The following HMCN2 variants were observed in gnomAD, a reference collection of about 807,000 sequenced individuals.
The protein encoded by HMCN2 is hemicentin 2, also known as hemicentin-2.
HMCN2 carries 325 observed loss-of-function variants against 377.5 expected under a neutral mutation model. The ratio of observed to expected loss-of-function variants is 0.86; its 90% CI spans 0.79 to 0.94. The LOEUF is 0.94. HMCN2 is among the 40% of genes least tolerant of loss of function. The pLI, the probability that HMCN2 is intolerant of heterozygous loss-of-function variation, is 0.00. For synonymous variants in HMCN2, 2,007 were observed against 2,046.8 expected (o/e 0.98, Z 0.53); for missense variants, 4,543 against 4,725.3 (o/e 0.96, Z 1.13).
chr9:130,433,477 G>C lies in HMCN2; in HGVS notation c.15024G>C (p.Glu5008Asp). 1 of 1,499,636 alleles carries C rather than the reference G, an allele frequency of 6.7e-7. No individual in the cohort carries two copies. 92.9% of individuals were successfully genotyped at this position (1,499,636 alleles called of 1,614,324 possible). The change falls in exon 98 of 98, where the codon GAG (glutamate) becomes GAC (aspartate). Residue 5008 changes from glutamate to aspartate, a missense_variant. Around this residue, in one of 5 missense-constraint regions of HMCN2, gnomAD observed 1,155 missense variants for 1,157.7 expected, o/e 1.00. Coordinates refer to ENST00000683500, the MANE Select transcript of HMCN2 (RefSeq NM_001291815.2). ...HDVARLTAFS[E>D]VGVPANRTEL... is the part of the protein sequence containing the mutation. Reference sequence around the variant, plus strand: ...TGGCCCGCCTCACCGCCTTCTCCGAGGTCGGCGTCCCCGCCAACCGCACCG... The same window carrying C: ...TGGCCCGCCTCACCGCCTTCTCCGACGTCGGCGTCCCCGCCAACCGCACCG...
intron 25 of HMCN2, among the ~76,000 whole-genome samples, chr9:130,344,541 T>C (rs964616395): frequency 4.0e-5 from 6 of 149,734 alleles, no homozygotes; most frequent in Non-Finnish European, 7.4e-5. Context: ...GTGGTGTGTA[T>C]GTGGTATGTG....
chr9:130,269,706 G>C (rs1427516131), intron 1 of HMCN2, among the ~76,000 whole-genome samples: 1 of 148,100 alleles, frequency 6.8e-6, no homozygotes, highest in Non-Finnish European at 1.5e-5. Context: ...TTTGTAAACT[G>C]TCAGTTTCTT....
chr9:130,385,530 G>A lies in HMCN2; in HGVS notation c.9107-30G>A, dbSNP rs762940904. The A allele has an allele frequency of 3.9e-6, 5 of 1,287,278 alleles. No individual in the cohort carries two copies. The South Asian group carries it at 5.0e-5, about 13-fold the overall frequency. 79.7% of individuals were successfully genotyped at this position (1,287,278 alleles called of 1,614,324 possible). Reference sequence around the variant, plus strand: ...TGGGGAGGGCGCAGGGACAGCTGCAGCACCTCACTCTGCTATCTCCTGCCC... The same window carrying A: ...TGGGGAGGGCGCAGGGACAGCTGCAACACCTCACTCTGCTATCTCCTGCCC... On this transcript the variant is annotated intron_variant, in intron 59 of 97. Coordinates refer to ENST00000683500, the MANE Select transcript of HMCN2 (RefSeq NM_001291815.2).
At chr9:130,268,605 G>A (rs557393310) in intron 1 of HMCN2, among the ~76,000 whole-genome samples, 49 of 149,632 alleles carry the variant, frequency 3.3e-4, no homozygotes, top group African/African-American at 1.0e-3. Context: ...TGAGGAAGCA[G>A]CCTGTGAGTA....
chr9:130,369,114 T>C lies in HMCN2; in HGVS notation c.6788-456T>C, dbSNP rs1214260576. Among the ~76,000 whole-genome samples the C allele has an allele frequency of 6.6e-6, 1 of 152,128 alleles. No homozygotes were observed. Among genetic ancestry groups the C allele is most frequent in the Non-Finnish European group, 1.5e-5 (1 of 68,036 alleles). On this transcript the variant is annotated intron_variant, in intron 44 of 97. Coordinates refer to ENST00000683500, the MANE Select transcript of HMCN2 (RefSeq NM_001291815.2). The surrounding 1 kb of genome is among the most constrained non-coding windows in gnomAD (Gnocchi z 4.5). ...GCATGAGTATTATGTGAAGCTCCTA[T>C]ATATGATGGAAACCTAAAGCCCTAT...
rs764396678 is a variant in HMCN2, at chr9:130,424,819, C to T, written c.13425C>T (p.Tyr4475=). The change falls in exon 88 of 98, where the codon TAC becomes TAT. Residue 4475 remains tyrosine, a synonymous_variant. Transcript: ENST00000683500. ...TCGTGGTCACCATCGCCCCCATCTA[C>T]TGGGCCCTGGCCAGAGAGAGTGGGG... The part of the protein sequence containing the change: ...RVLVVTIAPI[Y]WALARESGEA... 216 of 1,533,078 alleles carry T rather than the reference C, an allele frequency of 1.4e-4. 2 individuals are homozygous for T. In the Middle Eastern group the frequency reaches 5.1e-3, roughly 36 times the overall value. 95.0% of individuals were successfully genotyped at this position (1,533,078 alleles called of 1,614,324 possible).
chr9:130,315,365 T>C (rs1490412426), intron 15 of HMCN2, among the ~76,000 whole-genome samples: 2 of 13,406 alleles, frequency 1.5e-4, no homozygotes, highest in Admixed American at 7.8e-4. Flanking sequence ...CCCTCTCCCC[T>C]CCCCCTCCCC....
In HMCN2 at chr9:130,360,267, G is replaced by A. The variant is rs944872349; in HGVS notation, c.5774-161G>A. 3.9e-5 allele frequency among the ~76,000 whole-genome samples: 6 copies of A among 151,908 alleles called. No homozygotes were observed. Among genetic ancestry groups the A allele is most frequent in the African/African-American group, 1.5e-4 (6 of 41,286 alleles). On this transcript the variant is annotated intron_variant, in intron 37 of 97. Transcript: ENST00000683500. This position sits in a 1 kb window ranked among gnomAD's most constrained non-coding sequence, Gnocchi z 4.7. Reference sequence around the variant, plus strand: ...CTTGGGTGCCCACCACACCAGCAGAGTCTGACGGGCTGGCAGCACCCTTGC... The same window carrying A: ...CTTGGGTGCCCACCACACCAGCAGAATCTGACGGGCTGGCAGCACCCTTGC...
At chr9:130,323,667 C>T (rs957633509) in intron 19 of HMCN2, among the ~76,000 whole-genome samples, 26 of 152,142 alleles carry the variant, frequency 1.7e-4, no homozygotes, top group Admixed American at 4.6e-4. Flanking sequence ...GGGATTGTTC[C>T]AGTTTTATTC....
chr9:130,371,880 C>G (rs1841041245), intron 46 of HMCN2, among the ~76,000 whole-genome samples: 1 of 152,186 alleles, frequency 6.6e-6, no homozygotes, highest in African/African-American at 2.4e-5. Context: ...TTGGGAGACC[C>G]TTGGGTTCCT....
intron 22 of HMCN2, among the ~76,000 whole-genome samples, chr9:130,335,101 G>A (rs1838675357): frequency 6.6e-6 from 1 of 152,094 alleles, no homozygotes; most frequent in African/African-American, 2.4e-5. Flanking sequence ...TGACTGCCCT[G>A]CCTGGGGCTG....
Position 130,376,534 on chromosome 9 carries a change from A to G in HMCN2, c.7937A>G (p.Lys2646Arg), listed in dbSNP as rs111320663. 8.1e-6 allele frequency: 8 copies of G among 985,710 alleles called. No individual in the cohort carries two copies. Among genetic ancestry groups the G allele is most frequent in the Non-Finnish European group, 9.6e-6 (8 of 829,954 alleles). The allele number at this position is 985,710 out of a possible 1,614,324, so 61.1% of individuals were successfully genotyped here. The part of the protein sequence containing the change: ...VEVLIPPSIS[K>R]DDPLAEVGVK... ...TTTTCAGTCCCCCCTTCCATCTCCA[A>G]AGACGACCCCTTGGCGGAGGTCGGC... The change falls in exon 52 of 98, where the codon AAA becomes AGA. Residue 2646 changes from lysine (K) to arginine (R), a missense_variant. Physicochemically the swap from Lys to Arg is conservative, Grantham distance 26. Around this residue, in one of 5 missense-constraint regions of HMCN2, gnomAD observed 736 missense variants for 773.2 expected, o/e 0.95. Coordinates refer to ENST00000683500, the MANE Select transcript of HMCN2 (RefSeq NM_001291815.2).
chr9:130,295,818 G>A (rs1554931886), intron 6 of HMCN2, 46 bp downstream of exon 6: 1 of 463,798 alleles, frequency 2.2e-6, no homozygotes, highest in Admixed American at 2.4e-5. Context: ...GCTTTACTGG[G>A]CTGGAACCAT....
chr9:130,394,138 CAGGGAA>C lies in HMCN2; in HGVS notation c.10501+131_10501+136del. The C allele has an allele frequency of 1.1e-6, 1 of 919,362 alleles. No individual in the cohort carries two copies. Among genetic ancestry groups the C allele is most frequent in the Non-Finnish European group, 1.4e-6 (1 of 697,208 alleles). The allele number at this position is 919,362 out of a possible 1,614,324, so 57.0% of individuals were successfully genotyped here. On this transcript the variant is annotated intron_variant, in intron 68 of 97. Coordinates refer to ENST00000683500, the MANE Select transcript of HMCN2 (RefSeq NM_001291815.2). The surrounding 1 kb of genome is among the most constrained non-coding windows in gnomAD (Gnocchi z 5.1). ...GGGACTGCCACCTGGGAGCAGAACT[CAGGGAA>C]CTTGGTTCTGGCTGGGATGCCTCTC...
At position 130,376,551 on chromosome 9, in the gene HMCN2, G is replaced by A; in HGVS notation, c.7954G>A (p.Glu2652Lys). 5 of 985,868 alleles carry A rather than the reference G, an allele frequency of 5.1e-6. No homozygotes were observed. Among genetic ancestry groups the A allele is most frequent in the Non-Finnish European group, 6.0e-6 (5 of 829,986 alleles). The allele number at this position is 985,868 out of a possible 1,614,324, so 61.1% of individuals were successfully genotyped here. Residue 2652 changes from glutamate to lysine, a missense_variant, in exon 52 of 98, where the codon GAG (glutamate) becomes AAG (lysine). Physicochemically the swap from Glu to Lys is moderately conservative, Grantham distance 56 (BLOSUM62 1). Coordinates refer to ENST00000683500, the MANE Select transcript of HMCN2 (RefSeq NM_001291815.2). ...PSISKDDPLAEVGVKEVKTKV... is the reference protein window; with the variant it reads ...PSISKDDPLAKVGVKEVKTKV... The stretch of plus-strand genomic sequence containing the variant: ...CATCTCCAAAGACGACCCCTTGGCG[G>A]AGGTCGGCGTGAAGGAGGTGAAGAC...
intron 75 of HMCN2, 79 bp downstream of exon 75, chr9:130,398,786 A>C: frequency 3.9e-6 from 3 of 760,604 alleles, no homozygotes; most frequent in Non-Finnish European, 5.8e-6. Flanking sequence ...GGCATGGGGC[A>C]GGGACGGGGC....
At chr9:130,326,159 C>G (rs2131418350) in intron 21 of HMCN2, among the ~76,000 whole-genome samples, 189 bp downstream of exon 21, 1 of 152,334 alleles carries the variant, frequency 6.6e-6, no homozygotes, top group East Asian at 1.9e-4. Context: ...CCCAGACCCT[C>G]TGGTCTCCTT....
intron 4 of HMCN2, among the ~76,000 whole-genome samples, chr9:130,288,647 C>T (rs754847276): frequency 2.6e-5 from 4 of 152,218 alleles, no homozygotes; most frequent in Admixed American, 2.0e-4. Flanking sequence ...GCCCAAGAGG[C>T]GTCATGCATT....
At chr9:130,397,478 C>T (rs1410553573) in intron 73 of HMCN2, 50 bp from the exon 74 acceptor site, 1 of 1,283,366 alleles carries the variant, frequency 7.8e-7, no homozygotes, top group African/African-American at 1.5e-5. Context: ...CAGCCTTGCT[C>T]CAGACCCCAC....
Sources: gnomAD v4.1 joint callset for allele counts (sites outside exome capture counted in the v4.1 genomes callset) on GRCh38, gnomAD v4.1.1 for gene constraint, gnomAD v4.1.1 regional missense constraint, Gnocchi (gnomAD v3.1) non-coding constraint, MANE v1.5 for transcripts, NCBI Gene and HGNC (gene_info 2026-07-23, HGNC 2026-07-21) for gene names.